Variants in AUNIP observed in about 807,000 individuals in gnomAD.
The protein encoded by AUNIP is aurora kinase A- and ninein-interacting protein.
A neutral mutation model predicts 12.2 loss-of-function variants in AUNIP; 16 were observed. That is an observed-to-expected ratio of 1.31 (90% CI 0.88 to 1.99). AUNIP has a LOEUF of 1.99. AUNIP is among the 30% of genes most tolerant of loss of function. The probability of loss-of-function intolerance (pLI) is 0.00; values close to 1 mark genes in which losing one functional copy is unlikely to be tolerated. For missense variants in AUNIP, 411 were observed against 419.1 expected (o/e 0.98, Z 0.17); for synonymous variants, 142 against 154.8 (o/e 0.92, Z 0.61).
rs1042315484 is a variant in AUNIP at position 25,834,085 on chromosome 1, C to T, written c.*908G>A. On this transcript the variant is annotated 3_prime_UTR_variant, in exon 3 of 3. Coordinates refer to ENST00000374298, the MANE Select transcript of AUNIP (RefSeq NM_024037.3). ...TCTTGTGGGAAAAGGGTAACAGAGT[C>T]ACATCCAGATTGTTGTACAGCTCAG... The T allele has an allele frequency of 1.3e-5, 13 of 985,186 alleles. No individual in the cohort carries two copies. The highest frequency in any genetic ancestry group is 1.6e-5 in the Non-Finnish European group (13 of 829,860). The allele number at this position is 985,186 out of a possible 1,614,324, so 61.0% of individuals were successfully genotyped here. A position where few individuals can be genotyped will look rare whatever the true frequency, so the allele number is the denominator to read the frequency against.
chr1:25,848,289 T>A (rs1172036513), intron 1 of AUNIP, among the ~76,000 whole-genome samples: 1 of 151,908 alleles, frequency 6.6e-6, no homozygotes, highest in African/African-American at 2.4e-5. Context: ...GTGCCTGTAA[T>A]CCCAACACAG....
intron 1 of AUNIP, among the ~76,000 whole-genome samples, chr1:25,856,919 G>A (rs980425078): frequency 6.6e-6 from 1 of 150,692 alleles, no homozygotes; most frequent in Non-Finnish European, 1.5e-5. Context: ...ACCAGCCTAG[G>A]TAACACAGCG....
chr1:25,834,214 C>G lies in AUNIP; in HGVS notation c.*779G>C, dbSNP rs191250128. 109 of 985,348 alleles carry G rather than the reference C, an allele frequency of 1.1e-4. No homozygotes were observed. Among genetic ancestry groups the G allele is most frequent in the African/African-American group, 9.9e-4 (57 of 57,328 alleles). 61.0% of individuals were successfully genotyped at this position (985,348 alleles called of 1,614,324 possible). The stretch of plus-strand genomic sequence containing the variant: ...ACTAGCACCATTCTACCTCTCTTCT[C>G]TCCACACCTGGGTTGTGGGGAGATT... On this transcript the variant is annotated 3_prime_UTR_variant, in exon 3 of 3. Coordinates refer to ENST00000374298, the MANE Select transcript of AUNIP (RefSeq NM_024037.3).
At chr1:25,838,469 C>A (rs1207574179) in intron 1 of AUNIP, among the ~76,000 whole-genome samples, 1 of 151,724 alleles carries the variant, frequency 6.6e-6, no homozygotes, top group Non-Finnish European at 1.5e-5. Flanking sequence ...TGCCACTGCA[C>A]TCCAGCCTGG....
In AUNIP at chr1:25,859,331, C is replaced by G. The variant is rs1362507177; in HGVS notation, c.27G>C (p.Glu9Asp). Residue 9 changes from glutamate to aspartate, a missense_variant, in exon 1 of 3, where the codon GAG becomes GAC. Coordinates refer to ENST00000374298, the MANE Select transcript of AUNIP (RefSeq NM_024037.3). ...CCGCGTCCAGCCACACGCCGCAGGCCTCCTCCTCGGGGCCTGTCCGCCTCA... is the reference window on the plus strand; with the variant it reads ...CCGCGTCCAGCCACACGCCGCAGGCGTCCTCCTCGGGGCCTGTCCGCCTCA... MRRTGPEE[E>D]ACGVWLDAAA... 1 of 1,563,684 alleles carries G rather than the reference C, an allele frequency of 6.4e-7. No homozygotes were observed. The highest frequency in any genetic ancestry group is 1.2e-5 in the South Asian group (1 of 85,076).
intron 1 of AUNIP, among the ~76,000 whole-genome samples, chr1:25,858,619 G>A (rs925246564): frequency 2.6e-5 from 4 of 152,212 alleles, no homozygotes; most frequent in Non-Finnish European, 5.9e-5. Context: ...AGACCTGAAT[G>A]TGATTTCCAG....
intron 1 of AUNIP, among the ~76,000 whole-genome samples, chr1:25,837,854 A>G (rs534913257): frequency 6.6e-6 from 1 of 152,318 alleles, no homozygotes; most frequent in African/African-American, 2.4e-5. Context: ...GCTCTTTTAT[A>G]TTTAAGGATA....
intron 1 of AUNIP, among the ~76,000 whole-genome samples, chr1:25,841,366 T>C (rs1259357830): frequency 6.6e-6 from 1 of 152,146 alleles, no homozygotes; most frequent in East Asian, 1.9e-4. Context: ...TGAAGATGTG[T>C]TTTTGTTTTT....
At chr1:25,848,214 C>T (rs12240083) in intron 1 of AUNIP, among the ~76,000 whole-genome samples, 1 of 152,144 alleles carries the variant, frequency 6.6e-6, no homozygotes, top group African/African-American at 2.4e-5. Flanking sequence ...AGGGAATAGT[C>T]TACACTTTAG....
downstream of AUNIP, among the ~76,000 whole-genome samples, chr1:25,833,694 C>T (rs1032159613): frequency 6.6e-6 from 1 of 151,746 alleles, no homozygotes; most frequent in Non-Finnish European, 1.5e-5. Context: ...GTCCAGGCTG[C>T]AGTGAACCGT....
chr1:25,853,744 TG>T (rs2048439258), intron 1 of AUNIP, among the ~76,000 whole-genome samples: 1 of 152,194 alleles, frequency 6.6e-6, no homozygotes, highest in Non-Finnish European at 1.5e-5. Context: ...AAGCCTTAAC[TG>T]GGGCTGAAAG....
rs1362737506 is a variant in AUNIP at position 25,859,342 on chromosome 1, G to T, written c.16C>A (p.Pro6Thr). The T allele has an allele frequency of 6.4e-6, 10 of 1,550,588 alleles. No homozygotes were observed. Residue 6 changes from proline to threonine, a missense_variant, in exon 1 of 3, where the codon CCC (proline) becomes ACC (threonine). Coordinates refer to ENST00000374298, the MANE Select transcript of AUNIP (RefSeq NM_024037.3). ...CACACGCCGCAGGCCTCCTCCTCGG[G>T]GCCTGTCCGCCTCATGGCCGCTGAG... is the stretch of plus-strand genomic sequence containing the variant. MRRTGPEEEACGVWLD... is the reference protein window; with the variant it reads MRRTGTEEEACGVWLD...
chr1:25,833,249 G>A (rs568983976), downstream of AUNIP, among the ~76,000 whole-genome samples: 13 of 151,950 alleles, frequency 8.6e-5, no homozygotes, highest in East Asian at 2.3e-3. Flanking sequence ...TGAGTAGCTG[G>A]GACTACAGGT....
At chr1:25,841,267 C>A (rs1301533670) in intron 1 of AUNIP, among the ~76,000 whole-genome samples, 1 of 152,198 alleles carries the variant, frequency 6.6e-6, no homozygotes, top group African/African-American at 2.4e-5. Context: ...AGTCCTTCAG[C>A]TGATTATCCC....
chr1:25,852,731 C>T (rs1572267842), intron 1 of AUNIP, among the ~76,000 whole-genome samples: 1 of 152,110 alleles, frequency 6.6e-6, no homozygotes, highest in Non-Finnish European at 1.5e-5. Context: ...TGAGCCACTG[C>T]GCCTGGCCGA....
chr1:25,857,910 G>A (rs2048475713), intron 1 of AUNIP, among the ~76,000 whole-genome samples: 1 of 152,194 alleles, frequency 6.6e-6, no homozygotes, highest in African/African-American at 2.4e-5. Flanking sequence ...GCTCACGCCT[G>A]TAATCCCAGC....
chr1:25,856,609 A>C (rs1212399897), intron 1 of AUNIP, among the ~76,000 whole-genome samples: 1 of 152,072 alleles, frequency 6.6e-6, no homozygotes, highest in Non-Finnish European at 1.5e-5. Context: ...CAGGAGGTGG[A>C]GGTTGCAGTG....
chr1:25,845,486 C>T (rs1052321569), intron 1 of AUNIP, among the ~76,000 whole-genome samples: 32 of 152,262 alleles, frequency 2.1e-4, no homozygotes, highest in African/African-American at 7.2e-4. Flanking sequence ...GCATTTTTTA[C>T]ACCCAGCTCC....
Position 25,834,136 on chromosome 1 carries a change from T to C in AUNIP, c.*857A>G, listed in dbSNP as rs1487304764. On this transcript the variant is annotated 3_prime_UTR_variant, in exon 3 of 3. Coordinates refer to ENST00000374298, the MANE Select transcript of AUNIP (RefSeq NM_024037.3). ...GCTTTTTAAGGGAGATATTTAAACA[T>C]AGAGTATATAACTTTAAAGTGCTGT... The C allele has an allele frequency of 2.0e-6, 2 of 985,106 alleles. No homozygotes were observed. The highest frequency in any genetic ancestry group is 2.4e-6 in the Non-Finnish European group (2 of 829,662). The allele number at this position is 985,106 out of a possible 1,614,324, so 61.0% of individuals were successfully genotyped here.
Sources: gnomAD v4.1 joint callset for allele counts (sites outside exome capture counted in the v4.1 genomes callset) on GRCh38, gnomAD v4.1.1 for gene constraint, MANE v1.5 for transcripts, NCBI Gene and HGNC (gene_info 2026-07-23, HGNC 2026-07-21) for gene names.